TMEM117: variants seen among roughly 807,000 people sequenced by gnomAD.
TMEM117 encodes the protein transmembrane protein 117.
Under a neutral mutation model 52.4 loss-of-function variants are expected in TMEM117, and 27 were observed. That is an observed-to-expected ratio of 0.51 (90% confidence interval 0.38 to 0.71). The LOEUF (loss-of-function observed/expected upper bound fraction) is 0.71. Ranked by LOEUF, TMEM117 falls within the 30% of genes least tolerant of loss-of-function variation. The pLI is 0.00. For missense variants in TMEM117, 556 were observed against 630.5 expected (o/e 0.88, Z 1.26); for synonymous variants, 215 against 206.3 (o/e 1.04, Z -0.36).
At chr12:44,257,190 G>C (rs1410038784) in intron 5 of TMEM117, among the ~76,000 whole-genome samples, 2 of 151,698 alleles carry the variant, frequency 1.3e-5, no homozygotes. Context: ...GCACACCCAT[G>C]GGAAGAGTTT....
chr12:43,890,436 TGGG>T (rs1944081785), intron 2 of TMEM117, among the ~76,000 whole-genome samples: 2 of 152,200 alleles, frequency 1.3e-5, no homozygotes, highest in Non-Finnish European at 2.9e-5. Context: ...TCATTCTAGA[TGGG>T]TTTTGAAGAC....
At chr12:43,866,115 C>T (rs1014600833) in intron 2 of TMEM117, among the ~76,000 whole-genome samples, 1 of 151,690 alleles carries the variant, frequency 6.6e-6, no homozygotes, top group Non-Finnish European at 1.5e-5. Context: ...GTTTCATAGT[C>T]AAACTGCTGA....
chr12:44,026,223 T>A (rs1172073159), intron 3 of TMEM117, among the ~76,000 whole-genome samples: 1 of 152,220 alleles, frequency 6.6e-6, no homozygotes, highest in Non-Finnish European at 1.5e-5. Flanking sequence ...TGGTATTATC[T>A]TGTTGGAACC....
intron 2 of TMEM117, among the ~76,000 whole-genome samples, chr12:43,915,047 A>G (rs1051413204): frequency 2.6e-5 from 4 of 152,108 alleles, no homozygotes; most frequent in African/African-American, 7.2e-5. Flanking sequence ...TTCTTTCCTC[A>G]TGGGAAAGCA....
intron 5 of TMEM117, among the ~76,000 whole-genome samples, chr12:44,212,249 G>A (rs1481414879): frequency 6.6e-6 from 1 of 152,074 alleles, no homozygotes; most frequent in Admixed American, 6.6e-5. Flanking sequence ...ATACCCTCCC[G>A]GGAGATCAAT....
At chr12:43,948,069 C>T (rs966827502) in intron 3 of TMEM117, among the ~76,000 whole-genome samples, 1 of 152,192 alleles carries the variant, frequency 6.6e-6, no homozygotes, top group African/African-American at 2.4e-5. Context: ...CTTCTCATTA[C>T]AGTGGATTCC....
chr12:43,897,188 A>G lies in TMEM117; in HGVS notation c.278-47022A>G, dbSNP rs150349402. On this transcript the variant is annotated intron_variant, in intron 2 of 7. Transcript: ENST00000266534. ...TCTACATTTTCCTCAGTCTCTCACC[A>G]TATTCTTAAACTTCTGCCGAGAGCT... 7.9e-3 allele frequency among the ~76,000 whole-genome samples: 1,205 copies of G among 152,192 alleles called. 10 individuals carry two copies. Among genetic ancestry groups the G allele is most frequent in the Middle Eastern group, 0.034 (10 of 294 alleles).
At chr12:43,935,191 A>G (rs988793129) in intron 2 of TMEM117, among the ~76,000 whole-genome samples, 1 of 152,066 alleles carries the variant, frequency 6.6e-6, no homozygotes, top group African/African-American at 2.4e-5. Context: ...TATTAGAGAC[A>G]GAGTTTTGCC....
intron 4 of TMEM117, 99 bp from the exon 5 acceptor site, chr12:44,211,191 A>G: frequency 1.2e-6 from 1 of 807,854 alleles, no homozygotes; most frequent in South Asian, 1.6e-5. Context: ...TAAAACGTAT[A>G]CTTATTCTGT....
intron 5 of TMEM117, among the ~76,000 whole-genome samples, chr12:44,285,521 C>T (rs1312095435): frequency 6.6e-6 from 1 of 152,174 alleles, no homozygotes; most frequent in South Asian, 2.1e-4. Flanking sequence ...CACTAGGTCA[C>T]TTGGCAAACA....
chr12:43,997,655 C>G (rs1242196888), intron 3 of TMEM117, among the ~76,000 whole-genome samples: 2 of 152,198 alleles, frequency 1.3e-5, no homozygotes, highest in Non-Finnish European at 2.9e-5. Context: ...ACCATTGTCA[C>G]TGGCATTGTA....
At chr12:43,829,195 G>GCAATTTCAAACT in the TMEM117 span, among the ~76,000 whole-genome samples, 1 of 152,096 alleles carries the variant, frequency 6.6e-6, no homozygotes, top group Admixed American at 6.6e-5. Flanking sequence ...AACTTCTTCT[G>GCAATTTCAAACT]TCTGGCTTTC....
At chr12:43,898,829 C>T (rs1410324138) in intron 2 of TMEM117, among the ~76,000 whole-genome samples, 5 of 152,186 alleles carry the variant, frequency 3.3e-5, no homozygotes, top group Non-Finnish European at 7.3e-5. Flanking sequence ...CTAAGAAGAT[C>T]TACCGAAAGT....
Position 43,888,543 on chromosome 12 carries a change from C to CTTTT in TMEM117, c.277+43634_277+43637dup, listed in dbSNP as rs147186370. ...GTGTACTTTTGTGCACATTAGTTTTCTTTTTTTTTTTTTTTTTTTTTTGAG... is the reference window on the plus strand; with the variant it reads ...GTGTACTTTTGTGCACATTAGTTTTCTTTTTTTTTTTTTTTTTTTTTTTTTTGAG... On this transcript the variant is annotated intron_variant, in intron 2 of 7. Transcript: ENST00000266534. Among the ~76,000 whole-genome samples, 38 of 92,174 alleles carry CTTTT rather than the reference C, an allele frequency of 4.1e-4. 1 individual carries two copies. The highest frequency in any genetic ancestry group is 1.2e-3 in the African/African-American group (32 of 26,328). 60.5% of individuals were successfully genotyped at this position (92,174 alleles called of 152,430 possible).
chr12:44,332,819 T>A (rs1951290471), intron 6 of TMEM117, among the ~76,000 whole-genome samples: 1 of 151,838 alleles, frequency 6.6e-6, no homozygotes. Flanking sequence ...AATATCAGCA[T>A]TTCCCAGCAT....
intron 2 of TMEM117, among the ~76,000 whole-genome samples, chr12:43,895,964 C>T (rs939247705): frequency 2.0e-5 from 3 of 152,254 alleles, no homozygotes; most frequent in Middle Eastern, 3.4e-3. Flanking sequence ...CTCCTGCCTG[C>T]TTTATTCTAG....
chr12:44,006,212 C>T (rs529730300), intron 3 of TMEM117, among the ~76,000 whole-genome samples: 13 of 152,224 alleles, frequency 8.5e-5, no homozygotes, highest in African/African-American at 2.9e-4. Context: ...AAACAGATAC[C>T]GGGGTGAGGA....
At chr12:43,826,825 T>A in the TMEM117 span, among the ~76,000 whole-genome samples, 8 of 152,142 alleles carry the variant, frequency 5.3e-5, no homozygotes, top group East Asian at 1.5e-3. Context: ...AGTTGCGTGA[T>A]ACTGGGGATT....
At chr12:44,387,561 T>C (rs934501278) in intron 7 of TMEM117, among the ~76,000 whole-genome samples, 9 of 152,134 alleles carry the variant, frequency 5.9e-5, no homozygotes, top group Non-Finnish European at 8.8e-5. Context: ...ATGAATTAAT[T>C]TGATATACTG....
Sources: gnomAD v4.1 joint callset for allele counts (sites outside exome capture counted in the v4.1 genomes callset) on GRCh38, gnomAD v4.1.1 for gene constraint, MANE v1.5 for transcripts, NCBI Gene and HGNC (gene_info 2026-07-23, HGNC 2026-07-21) for gene names.